The following DAB1 variants were observed in gnomAD, a reference collection of about 807,000 sequenced individuals.
The protein encoded by DAB1 is DAB adaptor protein 1, also known as disabled homolog 1.
Under a neutral mutation model 64.6 loss-of-function variants are expected in DAB1, and 15 were observed. That is an observed-to-expected ratio of 0.23 (90% confidence interval 0.16 to 0.36). The LOEUF (loss-of-function observed/expected upper bound fraction) is 0.36, where lower values mean the gene tolerates loss of function less well. DAB1 is among the 10% of genes least tolerant of loss of function. DAB1 has a pLI of 1.00. For synonymous variants in DAB1, 235 were observed against 251.9 expected (o/e 0.93, Z 0.64); for missense variants, 596 against 706.7 (o/e 0.84, Z 1.78).
intron 1 of DAB1, among the ~76,000 whole-genome samples, chr1:57,361,576 T>C (rs1679554304): frequency 6.6e-6 from 1 of 152,132 alleles, no homozygotes; most frequent in Non-Finnish European, 1.5e-5. Flanking sequence ...GGGTTTGCCA[T>C]GAGACTTTTT....
chr1:57,416,028 CT>C (rs1558344588), intron 1 of DAB1, among the ~76,000 whole-genome samples: 1 of 152,138 alleles, frequency 6.6e-6, no homozygotes, highest in Admixed American at 6.5e-5. Context: ...AATCTACTGT[CT>C]CCCACACAGC....
chr1:58,280,997 G>T (rs1034707633), intron 4 of DAB1, among the ~76,000 whole-genome samples: 1 of 152,224 alleles, frequency 6.6e-6, no homozygotes, highest in Non-Finnish European at 1.5e-5. Context: ...GAGGTTGGCA[G>T]AGAGGAGAGG....
chr1:58,135,561 G>C (rs1653896496), intron 5 of DAB1, among the ~76,000 whole-genome samples: 1 of 151,974 alleles, frequency 6.6e-6, no homozygotes, highest in African/African-American at 2.4e-5. Flanking sequence ...TTTTATTTTA[G>C]ATTTAGGGGT....
intron 5 of DAB1, among the ~76,000 whole-genome samples, chr1:58,150,107 G>A (rs1269095662): frequency 6.6e-6 from 1 of 152,144 alleles, no homozygotes; most frequent in Non-Finnish European, 1.5e-5. Flanking sequence ...CAAAATAAGT[G>A]TTAGTATTCT....
intron 2 of DAB1, among the ~76,000 whole-genome samples, chr1:57,152,662 G>A (rs1321890673): frequency 1.3e-5 from 2 of 152,174 alleles, no homozygotes; most frequent in Admixed American, 6.5e-5. Context: ...GGGAAAAGAT[G>A]GTTTCAAAAG....
chr1:57,193,381 G>GTTTT lies in DAB1; in HGVS notation c.68-47956_68-47953dup, dbSNP rs999329119. Among the ~76,000 whole-genome samples the GTTTT allele has an allele frequency of 2.8e-3, 229 of 83,040 alleles. 40 individuals carry two copies. The highest frequency in any genetic ancestry group is 9.2e-3 in the African/African-American group (182 of 19,848). 54.5% of individuals were successfully genotyped at this position (83,040 alleles called of 152,430 possible). Reference sequence around the variant, plus strand: ...CCTTCCAGATTCATCCGTAGCATATGTTTTTTTTTTTTTTTTTTTTTTTGA... The same window carrying GTTTT: ...CCTTCCAGATTCATCCGTAGCATATGTTTTTTTTTTTTTTTTTTTTTTTTTTTGA... On this transcript the variant is annotated intron_variant, in intron 2 of 14. Transcript: ENST00000371236.
chr1:57,018,438 C>T (rs577185692), intron 11 of DAB1, among the ~76,000 whole-genome samples: 2 of 152,290 alleles, frequency 1.3e-5, no homozygotes, highest in Middle Eastern at 3.4e-3. Context: ...ATTACAAGTT[C>T]TCTTTCTTTT....
intron 5 of DAB1, among the ~76,000 whole-genome samples, chr1:58,108,755 A>G (rs1651807176): frequency 6.6e-6 from 1 of 152,262 alleles, no homozygotes. Context: ...AATTTCAATT[A>G]ACCTGTGCTG....
intron 5 of DAB1, among the ~76,000 whole-genome samples, chr1:58,132,169 T>A (rs951162236): frequency 6.6e-6 from 1 of 152,040 alleles, no homozygotes; most frequent in Non-Finnish European, 1.5e-5. Flanking sequence ...GGTGCGCCGT[T>A]TTTTAAGCCC....
chr1:58,223,821 C>A (rs1334641130), intron 4 of DAB1, among the ~76,000 whole-genome samples: 1 of 152,208 alleles, frequency 6.6e-6, no homozygotes, highest in Non-Finnish European at 1.5e-5. Flanking sequence ...CAATATAAGG[C>A]ATCCAGATGC....
intron 6 of DAB1, among the ~76,000 whole-genome samples, chr1:57,674,165 A>C (rs550655930): frequency 6.6e-6 from 1 of 152,310 alleles, no homozygotes; most frequent in South Asian, 2.1e-4. Flanking sequence ...GGTCTCTATA[A>C]ACTAGAAGTA....
chr1:58,340,215 C>T (rs549401780), intron 4 of DAB1, among the ~76,000 whole-genome samples: 19 of 152,266 alleles, frequency 1.2e-4, no homozygotes, highest in African/African-American at 3.9e-4. Flanking sequence ...CCTGCTATAG[C>T]GGTTTTCTTC....
intron 5 of DAB1, among the ~76,000 whole-genome samples, chr1:57,924,773 A>C (rs771074285): frequency 3.6e-4 from 55 of 151,824 alleles, no homozygotes; most frequent in Non-Finnish European, 6.2e-4. Flanking sequence ...CATCCAAGTT[A>C]CATTTTCTAT....
In DAB1 at chr1:57,606,505, ATAATATAAT is replaced by A. The variant is rs1191746751; in HGVS notation, n.625+43078_625+43086del. On this transcript the variant is annotated intron_variant and non_coding_transcript_variant, in intron 7 of 20. Coordinates refer to the DAB1 transcript ENST00000485760. ...ATAATACATATGAAATATATAATAT[ATAATATAAT>A]ATATATAATATATAATATATATGAA... 1.1e-4 allele frequency among the ~76,000 whole-genome samples: 9 copies of A among 78,794 alleles called. 1 individual carries two copies. The Admixed American group carries it at 1.3e-3, about 12-fold the overall frequency. The allele number at this position is 78,794 out of a possible 152,430, so 51.7% of individuals were successfully genotyped here.
chr1:58,331,754 G>A (rs1662974161), intron 4 of DAB1, among the ~76,000 whole-genome samples: 1 of 152,264 alleles, frequency 6.6e-6, no homozygotes, highest in Admixed American at 6.5e-5. Context: ...TAGAGACAAT[G>A]CTATTGCACA....
At chr1:57,343,548 CG>C (rs1677826824) in intron 1 of DAB1, among the ~76,000 whole-genome samples, 1 of 152,210 alleles carries the variant, frequency 6.6e-6, no homozygotes, top group Admixed American at 6.5e-5. Flanking sequence ...CCACGGAGGT[CG>C]GGGGAGGCTC....
intron 2 of DAB1, among the ~76,000 whole-genome samples, chr1:57,197,523 G>A (rs574514028): frequency 1.3e-5 from 2 of 152,236 alleles, no homozygotes; most frequent in Non-Finnish European, 2.9e-5. Context: ...ACATGAACTA[G>A]GTACAATTAT....
intron 2 of DAB1, among the ~76,000 whole-genome samples, chr1:57,157,954 C>G (rs115017857): frequency 1.1e-3 from 167 of 152,230 alleles, no homozygotes; most frequent in Admixed American, 2.2e-3. Flanking sequence ...GTCATTGGTG[C>G]GAGGCCACGC....
intron 4 of DAB1, among the ~76,000 whole-genome samples, chr1:58,277,661 G>A (rs1661482193): frequency 6.6e-6 from 1 of 152,074 alleles, no homozygotes; most frequent in South Asian, 2.1e-4. Flanking sequence ...CTGCTGTGGT[G>A]GAAACCATGG....
Sources: gnomAD v4.1 joint callset for allele counts (sites outside exome capture counted in the v4.1 genomes callset) on GRCh38, gnomAD v4.1.1 for gene constraint, MANE v1.5 for transcripts, NCBI Gene and HGNC (gene_info 2026-07-23, HGNC 2026-07-21) for gene names.